COL24A1: variants seen among roughly 807,000 people sequenced by gnomAD.
The protein encoded by COL24A1 is collagen alpha-1(XXIV) chain.
A neutral mutation model predicts 253.9 loss-of-function variants in COL24A1; 224 were observed. The observed-to-expected ratio is 0.88, with a 90% confidence interval of 0.79 to 0.99. The LOEUF (loss-of-function observed/expected upper bound fraction) is 0.99, where lower values mean the gene tolerates loss of function less well. COL24A1 is among the 50% of genes least tolerant of loss of function. The pLI, the probability that COL24A1 is intolerant of heterozygous loss-of-function variation, is 0.00. For synonymous variants in COL24A1, 685 were observed against 673.7 expected, an observed-to-expected ratio of 1.02 and a Z score of -0.26; for missense variants, 2,131 against 2,068.5, an observed-to-expected ratio of 1.03 and a Z score of -0.59.
intron 55 of COL24A1, among the ~76,000 whole-genome samples, chr1:85,760,067 T>TGTTTGTTTG (rs1553167780): frequency 6.6e-6 from 1 of 151,598 alleles, no homozygotes; most frequent in Non-Finnish European, 1.5e-5. Flanking sequence ...TGTTTTTTTT[T>TGTTTGTTTG]TTTTTTTGTT....
chr1:85,831,907 C>T (rs565036505), intron 43 of COL24A1, among the ~76,000 whole-genome samples: 1 of 152,154 alleles, frequency 6.6e-6, no homozygotes, highest in East Asian at 1.9e-4. Flanking sequence ...GTTTCTTTTG[C>T]TGTGCAGAAG....
rs542726404 is a variant in COL24A1, at chr1:86,152,342, C to T, written c.56+3999G>A. 3.5e-3 allele frequency among the ~76,000 whole-genome samples: 539 copies of T among 152,210 alleles called. 5 individuals are homozygous for T. The highest frequency in any genetic ancestry group is 0.013 in the African/African-American group (525 of 41,540). On this transcript the variant is annotated intron_variant, in intron 1 of 59. Transcript: ENST00000370571. ...GATGCCATACTGGAATCATTTTACA[C>T]CTGACTTTATGGGTCACAGTCAAAA...
rs574342688 is a variant in COL24A1 at position 86,032,273 on chromosome 1, T to C, written c.2005-351A>G. ...GCTATCCATTCTATGAAAAGACAGG[T>C]GGTCAGCACGTAGGGTTAGAAAAAC... On this transcript the variant is annotated intron_variant, in intron 13 of 59. Transcript: ENST00000370571. Among the ~76,000 whole-genome samples, 5 of 152,270 alleles carry C rather than the reference T, an allele frequency of 3.3e-5. No homozygotes were observed. The South Asian group carries it at 8.3e-4, about 25-fold the overall frequency.
At chr1:85,748,013 T>C (rs1304715555) in intron 55 of COL24A1, among the ~76,000 whole-genome samples, 2 of 152,216 alleles carry the variant, frequency 1.3e-5, no homozygotes, top group African/African-American at 2.4e-5. Flanking sequence ...AAAAATTACA[T>C]TTGTTAACAT....
chr1:86,129,849 G>C (rs1016748117), intron 2 of COL24A1, among the ~76,000 whole-genome samples: 1 of 151,752 alleles, frequency 6.6e-6, no homozygotes, highest in Non-Finnish European at 1.5e-5. Context: ...AAAGGTGTTT[G>C]AAGGTACAAA....
chr1:85,848,515 G>T (rs1677390750), intron 38 of COL24A1, among the ~76,000 whole-genome samples: 1 of 152,034 alleles, frequency 6.6e-6, no homozygotes. Context: ...TCACCATGTT[G>T]GCCAGGCTGG....
At chr1:85,763,515 G>A (rs574086066) in intron 53 of COL24A1, among the ~76,000 whole-genome samples, 11 of 126,828 alleles carry the variant, frequency 8.7e-5, no homozygotes, top group South Asian at 2.5e-4. Flanking sequence ...TTTTTGAGAC[G>A]TAGTTTCGCT....
intron 3 of COL24A1, among the ~76,000 whole-genome samples, chr1:86,120,107 G>A (rs1297569297): frequency 2.0e-5 from 3 of 152,168 alleles, no homozygotes; most frequent in Non-Finnish European, 4.4e-5. Flanking sequence ...AGCTGAAACT[G>A]GATCCCTGCC....
chr1:86,133,624 T>C (rs964589092), intron 2 of COL24A1, among the ~76,000 whole-genome samples: 10 of 152,220 alleles, frequency 6.6e-5, no homozygotes, highest in African/African-American at 2.4e-4. Context: ...GTTTTCGTCA[T>C]TGGCTCTGTT....
rs1685333164 is a variant in COL24A1, at chr1:85,911,251, T to C, written c.2616+129A>G. On this transcript the variant is annotated intron_variant, in intron 25 of 59. Coordinates refer to ENST00000370571, the MANE Select transcript of COL24A1 (RefSeq NM_152890.7). ...TAGCTATATTTCAATATATTTAAGA[T>C]ATTCAGTATAGGTAATGTGCTAAAG... The C allele has an allele frequency of 4.4e-6, 3 of 683,168 alleles. No homozygotes were observed. The South Asian group carries it at 5.8e-5, about 13-fold the overall frequency. The allele number at this position is 683,168 out of a possible 1,614,324, so 42.3% of individuals were successfully genotyped here. A position where few individuals can be genotyped will look rare whatever the true frequency, so the allele number is the denominator to read the frequency against.
rs373997686 is a variant in COL24A1, at chr1:85,739,847, G to A, written c.4673-2342C>T. 5.9e-5 allele frequency among the ~76,000 whole-genome samples: 9 copies of A among 151,836 alleles called. No individual in the cohort carries two copies. The East Asian group carries it at 7.7e-4, about 13-fold the overall frequency. On this transcript the variant is annotated intron_variant, in intron 57 of 59. Transcript: ENST00000370571. ...CTTACTTTAACCATTAACTTCCAAG[G>A]CCATATCCTAGCTTTTGTTATTACC... is the stretch of plus-strand genomic sequence containing the variant.
At chr1:85,889,205 A>G (rs1004238764) in intron 32 of COL24A1, among the ~76,000 whole-genome samples, 1 of 152,088 alleles carries the variant, frequency 6.6e-6, no homozygotes, top group Non-Finnish European at 1.5e-5. Context: ...TGGTCTTCTA[A>G]TTATAGAAAT....
chr1:85,783,494 A>G lies in COL24A1; in HGVS notation c.4284+2T>C. The G allele has an allele frequency of 6.2e-7, 1 of 1,612,744 alleles. No individual in the cohort carries two copies. The highest frequency in any genetic ancestry group is 2.2e-5 in the East Asian group (1 of 44,832). On this transcript the variant is annotated splice_donor_variant, in intron 51 of 59. Coordinates refer to ENST00000370571, the MANE Select transcript of COL24A1 (RefSeq NM_152890.7). LOFTEE classifies it high-confidence loss of function. ...TGGTAGGCAGAATGACTTTACACTT[A>G]CTCTGTGTCCAATAGGACCTTTAGG...
chr1:85,754,460 C>T (rs866612190), intron 55 of COL24A1, among the ~76,000 whole-genome samples: 4 of 94,892 alleles, frequency 4.2e-5, no homozygotes, highest in African/African-American at 1.3e-4. Flanking sequence ...GTGGGTGCAG[C>T]GCACCAGCAT....
chr1:85,979,379 A>T (rs1693018535), intron 20 of COL24A1, among the ~76,000 whole-genome samples: 1 of 152,080 alleles, frequency 6.6e-6, no homozygotes, highest in Admixed American at 6.6e-5. Context: ...AAAAAATACA[A>T]AGATAAATGA....
intron 2 of COL24A1, among the ~76,000 whole-genome samples, chr1:86,136,433 C>T (rs1208233637): frequency 9.5e-6 from 1 of 104,820 alleles, no homozygotes; most frequent in Non-Finnish European, 2.4e-5. Context: ...ATATTAGTCC[C>T]CTAGTTTTGC....
intron 37 of COL24A1, among the ~76,000 whole-genome samples, chr1:85,850,983 C>CTG (rs1177864148): frequency 1.6e-5 from 2 of 127,306 alleles, no homozygotes; most frequent in Non-Finnish European, 3.5e-5. Flanking sequence ...ATGTGTATGT[C>CTG]TATGTGTGTG....
chr1:86,083,167 G>T (rs7524738), intron 7 of COL24A1, among the ~76,000 whole-genome samples: 50,902 of 151,534 alleles, frequency 0.34, 9,029 homozygotes, highest in Middle Eastern at 0.49. Flanking sequence ...GGGTGGTGGC[G>T]GGCGCCTGTA....
At chr1:85,862,803 T>C (rs114636322) in intron 37 of COL24A1, among the ~76,000 whole-genome samples, 2,710 of 152,330 alleles carry the variant, frequency 0.018, 42 homozygotes, top group South Asian at 0.041. Context: ...AATTCCCAAC[T>C]GATTGTTTCC....
Sources: gnomAD v4.1 joint callset for allele counts (sites outside exome capture counted in the v4.1 genomes callset) on GRCh38, gnomAD v4.1.1 for gene constraint, MANE v1.5 for transcripts, NCBI Gene and HGNC (gene_info 2026-07-23, HGNC 2026-07-21) for gene names.